Variants in IGF2BP3 observed in about 807,000 individuals in gnomAD.
IGF2BP3 encodes the protein insulin-like growth factor 2 mRNA-binding protein 3.
In IGF2BP3, 9 loss-of-function variants were observed where a neutral mutation model predicts 73.8. The ratio of observed to expected loss-of-function variants is 0.12; its 90% CI spans 0.07 to 0.21. The LOEUF (loss-of-function observed/expected upper bound fraction) is 0.21, where lower values mean the gene tolerates loss of function less well. IGF2BP3 is among the 10% of genes least tolerant of loss of function. IGF2BP3 has a pLI of 1.00. For synonymous variants in IGF2BP3, 258 were observed against 256.7 expected, an observed-to-expected ratio of 1.01 and a Z score of -0.05; for missense variants, 542 against 714.0, an observed-to-expected ratio of 0.76 and a Z score of 2.75.
At chr7:23,319,502 G>C (rs1295988156) in intron 10 of IGF2BP3, among the ~76,000 whole-genome samples, 1 of 152,074 alleles carries the variant, frequency 6.6e-6, no homozygotes, top group African/African-American at 2.4e-5. Context: ...AAATGTCACT[G>C]AGTTATGGAT....
intron 2 of IGF2BP3, among the ~76,000 whole-genome samples, chr7:23,420,211 G>A (rs941011338): frequency 7.9e-5 from 12 of 152,212 alleles, no homozygotes; most frequent in African/African-American, 2.7e-4. Flanking sequence ...AGGCCTTGTG[G>A]CTTATGCCTG....
chr7:23,317,753 A>G, intron 11 of IGF2BP3, 40 bp from the exon 12 acceptor site: 1 of 1,546,590 alleles, frequency 6.5e-7, no homozygotes, highest in Non-Finnish European at 8.9e-7. Flanking sequence ...ACTTTCAGGT[A>G]TCACTGATAG....
intron 2 of IGF2BP3, among the ~76,000 whole-genome samples, chr7:23,430,085 T>C (rs934365165): frequency 1.2e-4 from 18 of 147,740 alleles, no homozygotes; most frequent in African/African-American, 4.6e-4. Context: ...CTTCTTTGCC[T>C]CTTTTTTTTT....
chr7:23,355,625 A>C (rs1320328924), intron 5 of IGF2BP3, among the ~76,000 whole-genome samples: 2 of 152,240 alleles, frequency 1.3e-5, no homozygotes, highest in East Asian at 1.9e-4. Flanking sequence ...GGTAGAATTT[A>C]AATGTATTGA....
In IGF2BP3 at chr7:23,347,645, T is replaced by C. The variant is rs772311748; in HGVS notation, c.773A>G (p.Lys258Arg). Residue 258 changes from lysine (K) to arginine (R), a missense_variant, in exon 7 of 15, where the codon AAG becomes AGG. Physicochemically the swap from Lys to Arg is conservative, Grantham distance 26. This residue lies in a region of IGF2BP3 where 303 missense variants were observed against 472.1 expected (regional missense o/e 0.64). Coordinates refer to ENST00000258729, the MANE Select transcript of IGF2BP3 (RefSeq NM_006547.3). ...STPEGTSAAC[K>R]SILEIMHKEA... is the part of the protein sequence containing the mutation. The stretch of plus-strand genomic sequence containing the variant: ...CTTATGCATAATCTCCAGAATAGAC[T>C]TACAAGCCGCAGAGGTGCCTTCAGG... 6.8e-6 allele frequency: 11 copies of C among 1,613,966 alleles called. No individual in the cohort carries two copies. The highest frequency in any genetic ancestry group is 1.6e-4 in the Middle Eastern group (1 of 6,084).
At chr7:23,400,799 G>A (rs988416997) in intron 3 of IGF2BP3, among the ~76,000 whole-genome samples, 1 of 152,140 alleles carries the variant, frequency 6.6e-6, no homozygotes, top group Non-Finnish European at 1.5e-5. Flanking sequence ...TTAAGATGCT[G>A]TCAAAACCCT....
intron 6 of IGF2BP3, among the ~76,000 whole-genome samples, chr7:23,350,982 G>T (rs530359447): frequency 6.6e-6 from 1 of 152,314 alleles, no homozygotes; most frequent in East Asian, 1.9e-4. Context: ...ATGAGGGCAG[G>T]TGGGGGGTAA....
At chr7:23,343,962 G>A (rs1282629066) in intron 8 of IGF2BP3, 109 bp from the exon 9 acceptor site, 4 of 1,018,472 alleles carry the variant, frequency 3.9e-6, no homozygotes, top group Admixed American at 2.5e-5. Flanking sequence ...CTGGTAATAT[G>A]TAAAAGTGGG....
chr7:23,422,990 G>A (rs1184319621), intron 2 of IGF2BP3, among the ~76,000 whole-genome samples: 2 of 152,300 alleles, frequency 1.3e-5, no homozygotes, highest in East Asian at 3.9e-4. Context: ...GGCCAGGCTG[G>A]TCTCAAATAC....
rs1788674518 is a variant in IGF2BP3 at position 23,469,904 on chromosome 7, G to A, written c.175+32C>T. On this transcript the variant is annotated intron_variant, in intron 1 of 14. Transcript: ENST00000258729. The surrounding 1 kb of genome is among the most constrained non-coding windows in gnomAD (Gnocchi z 6.1). ...TGGGCGGGCGGTGCAGGGCTGGGGCGAGAGCCCGGGTGGGGCCAGGCCCGG... is the reference window on the plus strand; with the variant it reads ...TGGGCGGGCGGTGCAGGGCTGGGGCAAGAGCCCGGGTGGGGCCAGGCCCGG... 1.3e-6 allele frequency: 2 copies of A among 1,561,790 alleles called. No individual in the cohort carries two copies. Among genetic ancestry groups the A allele is most frequent in the South Asian group, 1.2e-5 (1 of 84,674 alleles).
intron 3 of IGF2BP3, among the ~76,000 whole-genome samples, chr7:23,393,201 C>T (rs1786340030): frequency 6.6e-6 from 1 of 152,182 alleles, no homozygotes; most frequent in African/African-American, 2.4e-5. Flanking sequence ...GCTATCACCT[C>T]ACCAATGTTC....
At chr7:23,392,260 C>T (rs184908760) in intron 3 of IGF2BP3, among the ~76,000 whole-genome samples, 1 of 152,244 alleles carries the variant, frequency 6.6e-6, no homozygotes, top group African/African-American at 2.4e-5. Context: ...TGAACCAAGA[C>T]TTCCTCAAGC....
chr7:23,457,424 C>T (rs752077794), intron 2 of IGF2BP3, among the ~76,000 whole-genome samples: 1 of 151,874 alleles, frequency 6.6e-6, no homozygotes, highest in Non-Finnish European at 1.5e-5. Flanking sequence ...GAGATCGCGC[C>T]ACTGCACTCC....
chr7:23,454,846 T>C (rs187414910), intron 2 of IGF2BP3, among the ~76,000 whole-genome samples: 4 of 152,324 alleles, frequency 2.6e-5, no homozygotes. Flanking sequence ...AAAAATCATA[T>C]AATACCAGGA....
At chr7:23,385,860 C>T (rs1786067042) in intron 3 of IGF2BP3, among the ~76,000 whole-genome samples, 1 of 152,064 alleles carries the variant, frequency 6.6e-6, no homozygotes, top group Admixed American at 6.5e-5. Context: ...GCATGAGCCA[C>T]CACATCCAGC....
chr7:23,319,478 T>G (rs1784078204), intron 10 of IGF2BP3, among the ~76,000 whole-genome samples: 1 of 152,184 alleles, frequency 6.6e-6, no homozygotes, highest in Admixed American at 6.5e-5. Context: ...TCTCTACTGT[T>G]GCCTTAAACT....
At chr7:23,452,895 C>T (rs1376245496) in intron 2 of IGF2BP3, among the ~76,000 whole-genome samples, 6 of 151,496 alleles carry the variant, frequency 4.0e-5, no homozygotes, top group African/African-American at 9.7e-5. Flanking sequence ...AGGCAGATAA[C>T]GAGGTCAGGA....
chr7:23,461,374 C>T (rs1397396084), intron 2 of IGF2BP3, among the ~76,000 whole-genome samples: 1 of 152,158 alleles, frequency 6.6e-6, no homozygotes, highest in Admixed American at 6.5e-5. Flanking sequence ...CCCATCTCCC[C>T]CTGAGCTCCA....
At chr7:23,368,573 C>T (rs1430660697) in intron 3 of IGF2BP3, among the ~76,000 whole-genome samples, 1 of 151,852 alleles carries the variant, frequency 6.6e-6, no homozygotes, top group Non-Finnish European at 1.5e-5. Flanking sequence ...ATGAAGGTGT[C>T]CTAAAAATGT....
Sources: gnomAD v4.1 joint callset for allele counts (sites outside exome capture counted in the v4.1 genomes callset) on GRCh38, gnomAD v4.1.1 for gene constraint, gnomAD v4.1.1 regional missense constraint, Gnocchi (gnomAD v3.1) non-coding constraint, MANE v1.5 for transcripts, NCBI Gene and HGNC (gene_info 2026-07-23, HGNC 2026-07-21) for gene names.